Variants in ITFG2 observed in about 807,000 individuals in gnomAD.
ITFG2 encodes the protein integrin alpha FG-GAP repeat containing 2.
Under a neutral mutation model 54.4 loss-of-function variants are expected in ITFG2, and 36 were observed. The observed-to-expected ratio is 0.66, with a 90% CI of 0.51 to 0.87. The LOEUF is 0.87. ITFG2 is among the 40% of genes least tolerant of loss of function. The pLI, the probability that ITFG2 is intolerant of heterozygous loss-of-function variation, is 0.00. For synonymous variants in ITFG2, 211 were observed against 225.4 expected, an observed-to-expected ratio of 0.94 and a Z score of 0.57; for missense variants, 524 against 576.7, an observed-to-expected ratio of 0.91 and a Z score of 0.94.
At chr12:2,819,994 GA>G (rs143987452) in intron 4 of ITFG2, 91 bp from the exon 5 acceptor site, 35,212 of 1,486,234 alleles carry the variant, frequency 0.024, 775 homozygotes, top group East Asian at 0.14. Context: ...GATCGGGTGT[GA>G]AGCCGCACTG....
intron 2 of ITFG2, among the ~76,000 whole-genome samples, chr12:2,846,453 C>T (rs537279556): frequency 6.6e-6 from 1 of 152,262 alleles, no homozygotes; most frequent in South Asian, 2.1e-4. Flanking sequence ...TAGCCCAGGC[C>T]TTGCAGTCCC....
chr12:2,814,913 C>T (rs532875654), intron 1 of ITFG2, among the ~76,000 whole-genome samples: 1 of 152,188 alleles, frequency 6.6e-6, no homozygotes, highest in East Asian at 1.9e-4. Flanking sequence ...CAGTTTTATG[C>T]TTCTGTGATC....
chr12:2,821,764 T>C lies in ITFG2; in HGVS notation c.920T>C (p.Leu307Pro), dbSNP rs750966263. ...TGGTCAGTGCAGGTGGATCACCAGC[T>C]CTTTGCCCTGGAGAAACTGGATGTC... Reference protein sequence around the residue: ...LLWSVQVDHQLFALEKLDVTG... With the variant: ...LLWSVQVDHQPFALEKLDVTG... The change falls in exon 9 of 12, where the codon CTC (leucine) becomes CCC (proline). Residue 307 changes from leucine to proline, a missense_variant. By Grantham distance (98) the Leu-to-Pro change is moderately conservative. Coordinates refer to ENST00000228799, the MANE Select transcript of ITFG2 (RefSeq NM_018463.4). 6.2e-7 allele frequency: 1 copy of C among 1,613,866 alleles called. No individual in the cohort carries two copies. Among genetic ancestry groups the C allele is most frequent in the East Asian group, 2.2e-5 (1 of 44,880 alleles).
downstream of ITFG2, chr12:2,827,116 C>A: frequency 6.3e-7 from 1 of 1,587,258 alleles, no homozygotes; most frequent in South Asian, 1.1e-5. The surrounding 1 kb of genome is among the most constrained non-coding windows in gnomAD (Gnocchi z 4.0). Flanking sequence ...CACCATAGTC[C>A]CCAGCTACCT....
chr12:2,817,758 C>T (rs1353448072), intron 2 of ITFG2, 151 bp from the exon 3 acceptor site: 10 of 706,686 alleles, frequency 1.4e-5, no homozygotes, highest in East Asian at 2.6e-5. Flanking sequence ...ACAGTAACGC[C>T]GTTAATAAAG....
chr12:2,826,826 G>C (rs1603483671), downstream of ITFG2: 2 of 290,306 alleles, frequency 6.9e-6, no homozygotes, highest in Non-Finnish European at 1.2e-5. Context: ...GTGGGAAGTT[G>C]AGTTGTGTTT....
At chr12:2,816,966 T>A (rs552728355) in intron 1 of ITFG2, among the ~76,000 whole-genome samples, 27 of 152,230 alleles carry the variant, frequency 1.8e-4, no homozygotes, top group Non-Finnish European at 3.1e-4. Flanking sequence ...AATTTTTAAA[T>A]TTTTTTGTAG....
downstream of ITFG2, chr12:2,826,031 T>G (rs1343926338): frequency 6.6e-6 from 1 of 152,284 alleles, no homozygotes; most frequent in Non-Finnish European, 1.5e-5. Flanking sequence ...CCCAAAGTGC[T>G]GGGATTACAG....
At chr12:2,833,930 A>G (rs748926237), upstream of ITFG2, among the ~76,000 whole-genome samples, 3 of 152,212 alleles carry the variant, frequency 2.0e-5, no homozygotes, top group Non-Finnish European at 4.4e-5. Context: ...TCCCAAGCGA[A>G]GTGGCTGCGC....
intron 1 of ITFG2, among the ~76,000 whole-genome samples, chr12:2,816,662 A>G (rs971293522): frequency 8.0e-6 from 1 of 124,534 alleles, no homozygotes; most frequent in Non-Finnish European, 1.6e-5. Flanking sequence ...TTTGAGAGAC[A>G]GGGTCTCACT....
intron 2 of ITFG2, among the ~76,000 whole-genome samples, chr12:2,844,619 G>A (rs1214808612): frequency 6.6e-6 from 1 of 152,078 alleles, no homozygotes; most frequent in Admixed American, 6.6e-5. Context: ...TCTCCAAGGT[G>A]GAAATCATAC....
chr12:2,853,677 T>G (rs1161679039), intron 2 of ITFG2, among the ~76,000 whole-genome samples: 1 of 152,164 alleles, frequency 6.6e-6, no homozygotes, highest in Non-Finnish European at 1.5e-5. Flanking sequence ...GTCCTGCCCT[T>G]GGGATTGGAA....
At chr12:2,831,511 A>T (rs1197365410), downstream of ITFG2, among the ~76,000 whole-genome samples, 5 of 151,942 alleles carry the variant, frequency 3.3e-5, no homozygotes, top group Non-Finnish European at 7.4e-5. Context: ...CTGAACCTAG[A>T]AGGCAGAGGT....
chr12:2,818,336 A>G (rs2097928933), intron 4 of ITFG2, 59 bp downstream of exon 4: 1 of 1,599,350 alleles, frequency 6.3e-7, no homozygotes, highest in Non-Finnish European at 8.5e-7. Context: ...ATACTAGAGC[A>G]TATCCCAAGG....
At chr12:2,858,553 G>C in intron 3 of ITFG2, 1 of 1,204,462 alleles carries the variant, frequency 8.3e-7, no homozygotes, top group Non-Finnish European at 1.2e-6. Flanking sequence ...CCTGCCTGCT[G>C]TCCTCACTCA....
downstream of ITFG2, among the ~76,000 whole-genome samples, chr12:2,829,096 A>G (rs891268107): frequency 7.2e-5 from 11 of 152,166 alleles, no homozygotes; most frequent in African/African-American, 2.4e-4. Flanking sequence ...AGTTTGGGGA[A>G]GATCTGCCAG....
At chr12:2,828,431 G>A (rs1178863027), downstream of ITFG2, 15 of 1,605,978 alleles carry the variant, frequency 9.3e-6, no homozygotes, top group Admixed American at 3.3e-5. Context: ...AAGAAGAATC[G>A]TGGTGAATCA....
rs1255942405 is a variant in ITFG2, at chr12:2,839,915, G to A, written n.147-927G>A. ...GGGAGCTAAACAATGAGTACAAATG[G>A]ACACGAAGATGGGAACAACAGACAC... On this transcript the variant is annotated intron_variant and non_coding_transcript_variant, in intron 1 of 3. Coordinates refer to the ITFG2 transcript ENST00000537710. 2.0e-5 allele frequency among the ~76,000 whole-genome samples: 3 copies of A among 152,102 alleles called. No individual in the cohort carries two copies. In the East Asian group the frequency reaches 5.8e-4, roughly 29 times the overall value.
In ITFG2 at chr12:2,857,266, C is replaced by T. The variant is rs28919877; in HGVS notation, n.301-746C>T. On this transcript the variant is annotated intron_variant and non_coding_transcript_variant, in intron 2 of 3. Transcript: ENST00000537710. ...AAAAAACTGTAACAGGAGCTGCTGC[C>T]GGGCAGAAGAAAAGCAGGGCAGGCT... is the stretch of plus-strand genomic sequence containing the variant. 591 of 551,984 alleles carry T rather than the reference C, an allele frequency of 1.1e-3. 7 individuals are homozygous for T. The East Asian group carries it at 0.017, about 15-fold the overall frequency. The allele number at this position is 551,984 out of a possible 1,614,324, so 34.2% of individuals were successfully genotyped here. A position where few individuals can be genotyped will look rare whatever the true frequency, so the allele number is the denominator to read the frequency against.
Sources: allele counts gnomAD v4.1 joint callset (sites outside exome capture counted in the v4.1 genomes callset), GRCh38; gene constraint gnomAD v4.1.1; non-coding constraint Gnocchi (gnomAD v3.1); transcripts MANE v1.5; gene names NCBI Gene and HGNC (gene_info 2026-07-23, HGNC 2026-07-21).